WWOX: variants seen among roughly 807,000 people sequenced by gnomAD.
WWOX encodes the protein WW domain-containing oxidoreductase.
WWOX carries 69 observed loss-of-function variants against 46.2 expected under a neutral mutation model. That is an observed-to-expected ratio of 1.49 (90% CI 1.23 to 1.82). WWOX has a LOEUF of 1.82. Among genes scored for constraint, WWOX ranks in the 40% most tolerant of loss-of-function variants. The pLI, the probability that WWOX is intolerant of heterozygous loss-of-function variation, is 0.00. For missense variants in WWOX, 919 were observed against 542.6 expected (o/e 1.69, Z -6.89); for synonymous variants, 359 against 202.6 (o/e 1.77, Z -6.56).
At chr16:79,105,597 T>C (rs956121443) in intron 8 of WWOX, among the ~76,000 whole-genome samples, 1 of 152,166 alleles carries the variant, frequency 6.6e-6, no homozygotes, top group African/African-American at 2.4e-5. Context: ...GAAACAATTA[T>C]ATTGTACACA....
chr16:78,697,699 C>T (rs976748017), intron 8 of WWOX, among the ~76,000 whole-genome samples: 1 of 152,136 alleles, frequency 6.6e-6, no homozygotes, highest in Non-Finnish European at 1.5e-5. Flanking sequence ...GTGTTCTGAA[C>T]ACATTTAAGG....
intron 8 of WWOX, among the ~76,000 whole-genome samples, chr16:79,032,712 G>C (rs1178813695): frequency 6.7e-6 from 1 of 150,186 alleles, no homozygotes; most frequent in Non-Finnish European, 1.5e-5. Flanking sequence ...CAACTTTCTT[G>C]AACTCCTGAA....
intron 8 of WWOX, among the ~76,000 whole-genome samples, chr16:78,932,312 C>G (rs1047149741): frequency 6.6e-6 from 1 of 152,186 alleles, no homozygotes; most frequent in African/African-American, 2.4e-5. Flanking sequence ...ACTGACCAGG[C>G]AGTGACCTAA....
intron 8 of WWOX, chr16:78,551,479 T>G (rs545311744): frequency 2.6e-5 from 4 of 152,334 alleles, no homozygotes; most frequent in East Asian, 3.9e-4. Flanking sequence ...ATTCAAGTGT[T>G]GGAATGTTGC....
intron 8 of WWOX, among the ~76,000 whole-genome samples, chr16:78,904,307 C>T (rs542647412): frequency 1.0e-4 from 15 of 143,886 alleles, no homozygotes; most frequent in Non-Finnish European, 1.9e-4. Context: ...GGCATGATCT[C>T]GGCTCACTGC....
intron 8 of WWOX, among the ~76,000 whole-genome samples, chr16:78,827,398 C>G (rs1316503635): frequency 6.6e-6 from 1 of 152,056 alleles, no homozygotes; most frequent in African/African-American, 2.4e-5. Context: ...GGAAGTGGAG[C>G]TGGAGTCTCT....
chr16:78,964,433 C>G (rs981430991), intron 8 of WWOX, among the ~76,000 whole-genome samples: 1 of 152,172 alleles, frequency 6.6e-6, no homozygotes, highest in Non-Finnish European at 1.5e-5. Flanking sequence ...TGCCCCTGCG[C>G]TAGAGATTTG....
chr16:78,166,218 G>T (rs894019366), intron 5 of WWOX, among the ~76,000 whole-genome samples: 5 of 151,382 alleles, frequency 3.3e-5, no homozygotes, highest in Non-Finnish European at 5.9e-5. Flanking sequence ...AGTGCATATA[G>T]ATCTACTTCA....
chr16:78,793,945 TGTAGGGCAG>T (rs979472050), intron 8 of WWOX, among the ~76,000 whole-genome samples: 2 of 151,790 alleles, frequency 1.3e-5, no homozygotes, highest in African/African-American at 4.8e-5. Flanking sequence ...TAGAAGAGGA[TGTAGGGCAG>T]GTAGGGCTCA....
chr16:78,918,726 C>G (rs1005231393), intron 8 of WWOX, among the ~76,000 whole-genome samples: 8 of 152,162 alleles, frequency 5.3e-5, no homozygotes, highest in Non-Finnish European at 1.2e-4. Context: ...GAGGAATTTT[C>G]TCTCACTATA....
intron 8 of WWOX, among the ~76,000 whole-genome samples, chr16:78,709,392 AC>A: frequency 6.6e-6 from 1 of 152,202 alleles, no homozygotes; most frequent in East Asian, 1.9e-4. Flanking sequence ...ATTCCGGTTC[AC>A]AGGGCCTGGG....
At chr16:78,239,537 C>CT (rs2151817195) in intron 5 of WWOX, among the ~76,000 whole-genome samples, 1 of 152,122 alleles carries the variant, frequency 6.6e-6, no homozygotes, top group South Asian at 2.1e-4. Context: ...GTTCTTCTAG[C>CT]TTTTTTTCTT....
chr16:78,743,551 C>G (rs1364287739), intron 8 of WWOX, among the ~76,000 whole-genome samples: 1 of 152,128 alleles, frequency 6.6e-6, no homozygotes, highest in Non-Finnish European at 1.5e-5. Context: ...ATAATTAAAT[C>G]AAAAGGAAAA....
intron 8 of WWOX, among the ~76,000 whole-genome samples, chr16:79,118,021 C>G (rs984914114): frequency 3.3e-5 from 5 of 152,222 alleles, no homozygotes; most frequent in South Asian, 4.1e-4. Context: ...CCTTCAAGAA[C>G]TTTTTCTTTG....
chr16:78,937,269 C>G (rs2151288497), intron 8 of WWOX, among the ~76,000 whole-genome samples: 1 of 152,180 alleles, frequency 6.6e-6, no homozygotes, highest in East Asian at 1.9e-4. Context: ...CCAAATAATA[C>G]AAGCAACTGT....
At chr16:78,244,348 A>T (rs189994475) in intron 5 of WWOX, among the ~76,000 whole-genome samples, 1 of 149,948 alleles carries the variant, frequency 6.7e-6, no homozygotes, top group Non-Finnish European at 1.5e-5. Context: ...GGCATATTTC[A>T]TGTATTGCCT....
intron 8 of WWOX, among the ~76,000 whole-genome samples, chr16:78,483,302 C>T (rs761643300): frequency 1.1e-4 from 17 of 151,740 alleles, no homozygotes; most frequent in East Asian, 5.8e-4. Context: ...TTGGAAGAGA[C>T]GGGTCTCAGT....
At chr16:78,387,094 G>GA in intron 6 of WWOX, 146 bp downstream of exon 6, 1 of 783,374 alleles carries the variant, frequency 1.3e-6, no homozygotes, top group East Asian at 2.6e-5. Context: ...CTGTTAAGGT[G>GA]AACCGTATTT....
intron 8 of WWOX, among the ~76,000 whole-genome samples, chr16:78,805,944 C>T (rs1190909692): frequency 5.9e-5 from 9 of 152,130 alleles, no homozygotes; most frequent in Non-Finnish European, 1.0e-4. Flanking sequence ...GGGAATAACA[C>T]CCAATGCCAC....
Sources: allele counts gnomAD v4.1 joint callset (sites outside exome capture counted in the v4.1 genomes callset), GRCh38; gene constraint gnomAD v4.1.1; transcripts MANE v1.5; gene names NCBI Gene and HGNC (gene_info 2026-07-23, HGNC 2026-07-21).